The following EFR3B variants were observed in gnomAD, a reference collection of about 807,000 sequenced individuals.
EFR3B encodes the protein protein EFR3 homolog B.
A neutral mutation model predicts 104.7 loss-of-function variants in EFR3B; 64 were observed. That is an observed-to-expected ratio of 0.61 (90% confidence interval 0.50 to 0.75). The LOEUF (loss-of-function observed/expected upper bound fraction) is 0.75. EFR3B is among the 30% of genes least tolerant of loss of function. The pLI is 0.00. For missense variants in EFR3B, 750 were observed against 1,078.5 expected (o/e 0.70, Z 4.27); for synonymous variants, 385 against 417.9 (o/e 0.92, Z 0.96).
chr2:25,048,791 C>A (rs761384022), intron 1 of EFR3B, among the ~76,000 whole-genome samples: 19 of 152,136 alleles, frequency 1.2e-4, no homozygotes, highest in Non-Finnish European at 2.6e-4. Flanking sequence ...AAAAGCCAGG[C>A]ATTTGGGGCC....
chr2:25,152,042 C>A, intron 21 of EFR3B, 22 bp downstream of exon 21: 1 of 1,549,180 alleles, frequency 6.5e-7, no homozygotes, highest in Non-Finnish European at 8.7e-7. Context: ...ATGACATGGG[C>A]GAGTCCCTGG....
At chr2:25,080,412 A>T (rs1668768690) in intron 1 of EFR3B, 2 of 518,510 alleles carry the variant, frequency 3.9e-6, no homozygotes, top group Non-Finnish European at 3.4e-6. Context: ...CTGCTGCCTC[A>T]GCCTCCTGAG....
At chr2:25,092,773 C>T (rs1669167054) in intron 2 of EFR3B, among the ~76,000 whole-genome samples, 1 of 152,168 alleles carries the variant, frequency 6.6e-6, no homozygotes, top group Non-Finnish European at 1.5e-5. Context: ...CGGTCTCAAA[C>T]TCGTGATCTG....
chr2:25,070,026 T>C (rs776971026), intron 1 of EFR3B, among the ~76,000 whole-genome samples: 1 of 152,186 alleles, frequency 6.6e-6, no homozygotes, highest in Non-Finnish European at 1.5e-5. Flanking sequence ...CATCAGGTCA[T>C]TGATTATTCA....
intron 4 of EFR3B, among the ~76,000 whole-genome samples, chr2:25,106,651 C>T (rs999647391): frequency 2.0e-5 from 3 of 152,178 alleles, no homozygotes; most frequent in African/African-American, 7.2e-5. Flanking sequence ...CCATGTTGGT[C>T]AGGCTGGTCT....
intron 5 of EFR3B, among the ~76,000 whole-genome samples, chr2:25,124,769 A>G: frequency 7.6e-6 from 1 of 132,224 alleles, no homozygotes; most frequent in African/African-American, 2.8e-5. Context: ...AAAAAGGAGC[A>G]GTAAGGGCCA....
At chr2:25,099,723 T>A (rs1669377814) in intron 3 of EFR3B, among the ~76,000 whole-genome samples, 1 of 152,002 alleles carries the variant, frequency 6.6e-6, no homozygotes, top group East Asian at 1.9e-4. Context: ...AGCTAGCTCA[T>A]GTCTGAGGCA....
In EFR3B at chr2:25,080,239, C is replaced by T. The variant is rs111843990; in HGVS notation, c.8-11086C>T. ...TTCTGTTACTTGATGGACTGTAGCA[C>T]CACCACCAACATCAAGGAAGCTGGC... On this transcript the variant is annotated intron_variant, in intron 1 of 22. Coordinates refer to ENST00000403714, the MANE Select transcript of EFR3B (RefSeq NM_014971.2). 2.6e-5 allele frequency: 40 copies of T among 1,563,660 alleles called. No homozygotes were observed. In the African/African-American group the frequency reaches 3.5e-4, roughly 14 times the overall value.
chr2:25,143,380 C>G (rs6742181), intron 17 of EFR3B, among the ~76,000 whole-genome samples: 1 of 150,228 alleles, frequency 6.7e-6, no homozygotes, highest in Admixed American at 6.7e-5. Context: ...AAAAGTTGGC[C>G]GGGCATGGTG....
At chr2:25,047,979 CTAATA>C (rs1404261173) in intron 1 of EFR3B, among the ~76,000 whole-genome samples, 5 of 152,028 alleles carry the variant, frequency 3.3e-5, no homozygotes, top group African/African-American at 1.2e-4. Context: ...ATTTACTGCT[CTAATA>C]TCTTTCTTTC....
At chr2:25,058,667 A>G (rs761320590) in intron 1 of EFR3B, among the ~76,000 whole-genome samples, 1 of 151,908 alleles carries the variant, frequency 6.6e-6, no homozygotes, top group Admixed American at 6.6e-5. Context: ...GGTGAGGCAC[A>G]ATAATTGCTT....
intron 4 of EFR3B, among the ~76,000 whole-genome samples, chr2:25,117,592 T>C (rs1399606431): frequency 1.3e-5 from 2 of 152,126 alleles, no homozygotes; most frequent in African/African-American, 4.8e-5. Flanking sequence ...TTTGTATTTT[T>C]AGTGGAGATG....
intron 1 of EFR3B, among the ~76,000 whole-genome samples, chr2:25,060,205 G>C (rs1668150483): frequency 6.6e-6 from 1 of 152,022 alleles, no homozygotes; most frequent in Non-Finnish European, 1.5e-5. Context: ...CAAAAAAAAA[G>C]AAAAGGCTAA....
intron 1 of EFR3B, among the ~76,000 whole-genome samples, chr2:25,076,215 C>T (rs1441968646): frequency 6.6e-6 from 1 of 151,974 alleles, no homozygotes; most frequent in African/African-American, 2.4e-5. Flanking sequence ...GTCTTAATAG[C>T]GATTGGTACT....
At chr2:25,067,796 C>G (rs1387091353) in intron 1 of EFR3B, among the ~76,000 whole-genome samples, 1 of 152,020 alleles carries the variant, frequency 6.6e-6, no homozygotes, top group East Asian at 1.9e-4. Context: ...TGTTCCCTGC[C>G]TTATTTAGCC....
At chr2:25,104,782 G>A (rs1048026950) in intron 4 of EFR3B, among the ~76,000 whole-genome samples, 1 of 152,158 alleles carries the variant, frequency 6.6e-6, no homozygotes, top group Admixed American at 6.5e-5. Flanking sequence ...ACCTTTTATG[G>A]GCCTCAGTCT....
Position 25,153,770 on chromosome 2 carries a change from C to T in EFR3B, c.2348+9C>T, listed in dbSNP as rs1558623819. The T allele has an allele frequency of 5.8e-6, 9 of 1,551,700 alleles. No individual in the cohort carries two copies. Among genetic ancestry groups the T allele is most frequent in the Admixed American group, 3.9e-5 (2 of 51,008 alleles). Reference sequence around the variant, plus strand: ...TTTGAAATCACCATCCGGTAAGTGACAACCCTGGGCAGGGGACCCTGACCT... The same window carrying T: ...TTTGAAATCACCATCCGGTAAGTGATAACCCTGGGCAGGGGACCCTGACCT... On this transcript the variant is annotated intron_variant, in intron 22 of 22. Coordinates refer to ENST00000403714, the MANE Select transcript of EFR3B (RefSeq NM_014971.2).
rs776474708 is a variant in EFR3B at position 25,100,063 on chromosome 2, G to A, written c.213-3574G>A. 1.1e-3 allele frequency among the ~76,000 whole-genome samples: 168 copies of A among 152,118 alleles called. 1 individual carries two copies. Among genetic ancestry groups the A allele is most frequent in the South Asian group, 1.7e-3 (8 of 4,808 alleles). Reference sequence around the variant, plus strand: ...ACAAAAAATACAAAAAATTAGCCAGGCATGGTGGTGGGCGCCTGTAATCCC... The same window carrying A: ...ACAAAAAATACAAAAAATTAGCCAGACATGGTGGTGGGCGCCTGTAATCCC... On this transcript the variant is annotated intron_variant, in intron 3 of 22. Coordinates refer to ENST00000403714, the MANE Select transcript of EFR3B (RefSeq NM_014971.2).
At chr2:25,133,704 C>T (rs796831542) in intron 12 of EFR3B, among the ~76,000 whole-genome samples, 2 of 152,308 alleles carry the variant, frequency 1.3e-5, no homozygotes, top group African/African-American at 2.4e-5. Context: ...GTCACTCAGA[C>T]GTGATCTGTC....
Sources: gnomAD v4.1 joint callset for allele counts (sites outside exome capture counted in the v4.1 genomes callset) on GRCh38, gnomAD v4.1.1 for gene constraint, MANE v1.5 for transcripts, NCBI Gene and HGNC (gene_info 2026-07-23, HGNC 2026-07-21) for gene names.